Variants in ROR1 observed in about 807,000 individuals in gnomAD.
ROR1 encodes ROR family WNT receptor 1.
A neutral mutation model predicts 78.8 loss-of-function variants in ROR1; 19 were observed. That is an observed-to-expected ratio of 0.24 (90% CI 0.17 to 0.35). The LOEUF is 0.35. Ranked by LOEUF, ROR1 falls within the 10% of genes least tolerant of loss-of-function variation. The pLI is 1.00. For missense variants in ROR1, 917 were observed against 1,177.8 expected (o/e 0.78, Z 3.24); for synonymous variants, 386 against 433.6 (o/e 0.89, Z 1.36).
intron 2 of ROR1, among the ~76,000 whole-genome samples, chr1:64,013,152 G>A (rs1380845514): frequency 6.6e-6 from 1 of 152,170 alleles, no homozygotes; most frequent in Non-Finnish European, 1.5e-5. Flanking sequence ...TAAACTCATT[G>A]GAGAGTAAGA....
intron 1 of ROR1, among the ~76,000 whole-genome samples, chr1:63,965,947 A>C (rs1382791736): frequency 6.6e-6 from 1 of 152,202 alleles, no homozygotes; most frequent in Non-Finnish European, 1.5e-5. Context: ...CAAGTCACTA[A>C]ACCTCTCTAA....
At chr1:64,135,542 T>C (rs1402730208) in intron 4 of ROR1, among the ~76,000 whole-genome samples, 1 of 152,178 alleles carries the variant, frequency 6.6e-6, no homozygotes, top group Non-Finnish European at 1.5e-5. Flanking sequence ...TTCTGGTCTC[T>C]GTACTTAGGT....
chr1:64,003,221 C>G (rs149772262), intron 1 of ROR1, among the ~76,000 whole-genome samples: 1 of 151,556 alleles, frequency 6.6e-6, no homozygotes, highest in Admixed American at 6.6e-5. Context: ...TCCTGCAGAT[C>G]TCACCATATA....
At chr1:64,056,362 T>TTTAC (rs1553154542) in intron 4 of ROR1, among the ~76,000 whole-genome samples, 3 of 151,160 alleles carry the variant, frequency 2.0e-5, no homozygotes, top group East Asian at 1.9e-4. Flanking sequence ...AAATTATTTA[T>TTTAC]TTATTTATTT....
chr1:63,801,119 T>C (rs960613863), intron 1 of ROR1, among the ~76,000 whole-genome samples: 1 of 152,158 alleles, frequency 6.6e-6, no homozygotes, highest in Non-Finnish European at 1.5e-5. Context: ...AATTGCTGTA[T>C]TATTATGATT....
chr1:63,905,677 T>C (rs753524266), intron 1 of ROR1, among the ~76,000 whole-genome samples: 5 of 152,196 alleles, frequency 3.3e-5, no homozygotes, highest in African/African-American at 1.2e-4. Context: ...TACATGGTAA[T>C]AGACATGCAC....
At chr1:64,107,988 T>C (rs1177905800) in intron 4 of ROR1, among the ~76,000 whole-genome samples, 1 of 152,114 alleles carries the variant, frequency 6.6e-6, no homozygotes, top group Non-Finnish European at 1.5e-5. Context: ...TTAATTATTT[T>C]ATATGGATGT....
At chr1:63,788,616 T>TA in intron 1 of ROR1, 1 of 152,136 alleles carries the variant, frequency 6.6e-6, no homozygotes, top group Admixed American at 6.7e-5. Context: ...ATATATATAT[T>TA]ATATGTTATA....
chr1:64,068,191 ATTTGTATT>A (rs1646974032), intron 4 of ROR1, among the ~76,000 whole-genome samples: 1 of 152,166 alleles, frequency 6.6e-6, no homozygotes, highest in Non-Finnish European at 1.5e-5. Context: ...ATGATTGTTT[ATTTGTATT>A]GTGAAAAGCC....
In ROR1 at chr1:64,016,578, C is replaced by T. The variant is rs190422769; in HGVS notation, c.163+7202C>T. On this transcript the variant is annotated intron_variant, in intron 2 of 8. Coordinates refer to ENST00000371079, the MANE Select transcript of ROR1 (RefSeq NM_005012.4). ...TGCTGGAACCTTAGGTAAATGTAAC[C>T]TGTTTCCTCCTTGCAGCAAAAGGAA... Among the ~76,000 whole-genome samples the T allele has an allele frequency of 3.9e-5, 6 of 152,086 alleles. No homozygotes were observed. The East Asian group carries it at 9.7e-4, about 25-fold the overall frequency.
intron 1 of ROR1, among the ~76,000 whole-genome samples, chr1:63,967,414 G>T (rs1488999306): frequency 4.6e-5 from 7 of 152,048 alleles, no homozygotes. Flanking sequence ...ATTTGGAAAT[G>T]GATTCTCGCT....
Position 63,850,451 on chromosome 1 carries a change from C to T in ROR1, c.91+75943C>T, listed in dbSNP as rs111656300. Among the ~76,000 whole-genome samples, 12 of 152,334 alleles carry T rather than the reference C, an allele frequency of 7.9e-5. No individual in the cohort carries two copies. In the South Asian group the frequency reaches 1.2e-3, roughly 16 times the overall value. ...TAGGTGCTGTGGAATTGCTCTCCAA[C>T]GGCCTTATGCCAGTGCGAGCTCCTT... On this transcript the variant is annotated intron_variant, in intron 1 of 8. Transcript: ENST00000371079.
chr1:64,164,845 C>A (rs1011247632), intron 8 of ROR1, among the ~76,000 whole-genome samples: 1 of 152,146 alleles, frequency 6.6e-6, no homozygotes, highest in African/African-American at 2.4e-5. Context: ...TGAGAACATG[C>A]GGTACTTAGT....
At chr1:63,791,722 G>T (rs1181459326) in intron 1 of ROR1, among the ~76,000 whole-genome samples, 1 of 152,222 alleles carries the variant, frequency 6.6e-6, no homozygotes, top group Admixed American at 6.5e-5. Flanking sequence ...GGGATAAGAG[G>T]TCTTAGTTTC....
chr1:64,054,670 ATACTT>A (rs1467232257), intron 4 of ROR1, among the ~76,000 whole-genome samples: 1 of 152,206 alleles, frequency 6.6e-6, no homozygotes, highest in Non-Finnish European at 1.5e-5. Flanking sequence ...AATCAGTATC[ATACTT>A]CATACATTAT....
intron 1 of ROR1, among the ~76,000 whole-genome samples, chr1:63,999,441 C>T (rs1003023026): frequency 3.3e-5 from 5 of 152,168 alleles, no homozygotes; most frequent in African/African-American, 1.2e-4. Flanking sequence ...GCCACATAAG[C>T]CTCATCACCA....
intron 4 of ROR1, among the ~76,000 whole-genome samples, chr1:64,135,077 A>G (rs1321776714): frequency 6.6e-6 from 1 of 151,936 alleles, no homozygotes; most frequent in African/African-American, 2.4e-5. Flanking sequence ...AACAGTACAT[A>G]CTGGTTTTGG....
Position 64,177,924 on chromosome 1 carries a change from A to G in ROR1, c.1883A>G (p.His628Arg), listed in dbSNP as rs917865228. The G allele has an allele frequency of 1.9e-6, 3 of 1,614,102 alleles. No individual in the cohort carries two copies. The African/African-American group carries it at 4.0e-5, about 22-fold the overall frequency. The change falls in exon 9 of 9, where the codon CAT becomes CGT. Residue 628 changes from histidine (H) to arginine (R), a missense_variant. By Grantham distance (29) the His-to-Arg change is conservative. Around this residue, in one of 3 missense-constraint regions of ROR1, gnomAD observed 835 missense variants for 1,069.8 expected, o/e 0.78. Transcript: ENST00000371079. Reference protein sequence around the residue: ...ARNILIGEQLHVKISDLGLSR... With the variant: ...ARNILIGEQLRVKISDLGLSR... ...AATATTTTAATCGGAGAGCAACTTC[A>G]TGTAAAGATTTCAGACTTGGGGCTT...
intron 4 of ROR1, among the ~76,000 whole-genome samples, chr1:64,051,944 T>G (rs1321073855): frequency 6.6e-6 from 1 of 152,252 alleles, no homozygotes; most frequent in Admixed American, 6.5e-5. Context: ...CATTTGTGTG[T>G]GCCTGGAGGC....
Sources: allele counts gnomAD v4.1 joint callset (sites outside exome capture counted in the v4.1 genomes callset), GRCh38; gene constraint gnomAD v4.1.1; regional missense constraint gnomAD v4.1.1; transcripts MANE v1.5; gene names NCBI Gene and HGNC (gene_info 2026-07-23, HGNC 2026-07-21).